The following NUCKS1 variants were observed in gnomAD, a reference collection of about 807,000 sequenced individuals.
NUCKS1 encodes nuclear casein kinase and cyclin dependent kinase substrate 1.
In NUCKS1, 2 loss-of-function variants were observed where a neutral mutation model predicts 33.0. The ratio of observed to expected loss-of-function variants is 0.06; its 90% CI spans 0.02 to 0.19. The LOEUF is 0.19. Ranked by LOEUF, NUCKS1 falls within the 10% of genes least tolerant of loss-of-function variation. The probability of loss-of-function intolerance (pLI) is 1.00; values close to 1 mark genes in which losing one functional copy is unlikely to be tolerated. For missense variants in NUCKS1, 201 were observed against 293.6 expected, an observed-to-expected ratio of 0.68 and a Z score of 2.31; for synonymous variants, 106 against 102.8, an observed-to-expected ratio of 1.03 and a Z score of -0.19.
At chr1:205,729,429 T>C in intron 2 of NUCKS1, 143 bp downstream of exon 2, 1 of 740,444 alleles carries the variant, frequency 1.4e-6, no homozygotes, top group Non-Finnish European at 2.4e-6. Flanking sequence ...TTTGCTTTGG[T>C]TGACACAGAT....
rs187800230 is a variant in NUCKS1, at chr1:205,736,263, T to C, written c.18-6642A>G. Among the ~76,000 whole-genome samples, 8 of 152,302 alleles carry C rather than the reference T, an allele frequency of 5.3e-5. No individual in the cohort carries two copies. In the East Asian group the frequency reaches 1.5e-3, roughly 29 times the overall value. Reference sequence around the variant, plus strand: ...CACCACATCCAGCCCTCCCTATTTTTATTTCTGACTTTATGGCAAAGTTCA... The same window carrying C: ...CACCACATCCAGCCCTCCCTATTTTCATTTCTGACTTTATGGCAAAGTTCA... On this transcript the variant is annotated intron_variant, in intron 1 of 6. Transcript: ENST00000367142.
intron 1 of NUCKS1, among the ~76,000 whole-genome samples, chr1:205,743,291 G>A (rs1017370300): frequency 1.3e-5 from 2 of 152,148 alleles, no homozygotes; most frequent in Non-Finnish European, 2.9e-5. Flanking sequence ...TTTGAAAATT[G>A]TAAAATGCTT....
At chr1:205,734,376 T>A (rs563025606) in intron 1 of NUCKS1, among the ~76,000 whole-genome samples, 9 of 152,232 alleles carry the variant, frequency 5.9e-5, no homozygotes, top group African/African-American at 2.2e-4. Flanking sequence ...TAACTTTCAA[T>A]GATCTGAAAA....
intron 1 of NUCKS1, among the ~76,000 whole-genome samples, chr1:205,744,627 AGAG>A (rs1416285753): frequency 2.7e-3 from 69 of 25,338 alleles, no homozygotes; most frequent in South Asian, 0.011. Context: ...TAAGTTCACT[AGAG>A]TTTTTTTTTT....
chr1:205,746,963 A>G (rs1456736725), intron 1 of NUCKS1, among the ~76,000 whole-genome samples: 1 of 152,190 alleles, frequency 6.6e-6, no homozygotes, highest in Non-Finnish European at 1.5e-5. Context: ...GCTGAATTTC[A>G]AGAAATCTGG....
chr1:205,718,107 G>GTT lies in NUCKS1; in HGVS notation c.*172_*173insAA. On this transcript the variant is annotated 3_prime_UTR_variant, in exon 7 of 7. Transcript: ENST00000367142. ...CTTTAAAAAAAAAAAAAAAAAAAGA[G>GTT]AGAGAGAGAGAAATGTTACTTTCAA... 1 of 1,130,602 alleles carries GTT rather than the reference G, an allele frequency of 8.8e-7. No homozygotes were observed. The highest frequency in any genetic ancestry group is 1.1e-6 in the Non-Finnish European group (1 of 909,466). The allele number at this position is 1,130,602 out of a possible 1,614,324, so 70.0% of individuals were successfully genotyped here.
Position 205,734,864 on chromosome 1 carries a change from C to A in NUCKS1, c.18-5243G>T, listed in dbSNP as rs1352606654. Among the ~76,000 whole-genome samples, 6 of 152,118 alleles carry A rather than the reference C, an allele frequency of 3.9e-5. No individual in the cohort carries two copies. In the East Asian group the frequency reaches 1.2e-3, roughly 29 times the overall value. On this transcript the variant is annotated intron_variant, in intron 1 of 6. Coordinates refer to ENST00000367142, the MANE Select transcript of NUCKS1 (RefSeq NM_022731.5). ...GGGCCAAGATTGTGCCACTGCACTC[C>A]AGCCTGGGTGATAGAGCAAGACTCC...
intron 6 of NUCKS1, among the ~76,000 whole-genome samples, chr1:205,719,250 A>G (rs1018859732): frequency 6.6e-6 from 1 of 152,244 alleles, no homozygotes; most frequent in African/African-American, 2.4e-5. Context: ...CAGTGTTTCT[A>G]CCACTGTGTC....
intron 3 of NUCKS1, among the ~76,000 whole-genome samples, chr1:205,725,024 G>C (rs1241557465): frequency 6.6e-6 from 1 of 152,198 alleles, no homozygotes; most frequent in Non-Finnish European, 1.5e-5. Context: ...CTGGATTCTA[G>C]TATCCTATCT....
In NUCKS1 at chr1:205,715,081, A is replaced by AT. The variant is rs1164879766; in HGVS notation, c.*3198dup. ...AATCCACTTATCTGAATGTTCACAGATAAAAAAGCCATTAAAAAAAAGAGT... is the reference window on the plus strand; with the variant it reads ...AATCCACTTATCTGAATGTTCACAGATTAAAAAAGCCATTAAAAAAAAGAGT... On this transcript the variant is annotated 3_prime_UTR_variant, in exon 7 of 7. Transcript: ENST00000367142. 5 of 152,210 alleles carry AT rather than the reference A, an allele frequency of 3.3e-5. No homozygotes were observed. The highest frequency in any genetic ancestry group is 5.9e-5 in the Non-Finnish European group (4 of 68,042). 9.4% of individuals were successfully genotyped at this position (152,210 alleles called of 1,614,324 possible). A position where few individuals can be genotyped will look rare whatever the true frequency, so the allele number is the denominator to read the frequency against.
At chr1:205,744,352 G>A (rs1358703153) in intron 1 of NUCKS1, among the ~76,000 whole-genome samples, 1 of 152,098 alleles carries the variant, frequency 6.6e-6, no homozygotes, top group Non-Finnish European at 1.5e-5. Flanking sequence ...GATAACATAT[G>A]CCTTTAAGAG....
chr1:205,718,788 G>A (rs1671872240), intron 6 of NUCKS1, among the ~76,000 whole-genome samples: 1 of 152,146 alleles, frequency 6.6e-6, no homozygotes, highest in Non-Finnish European at 1.5e-5. Flanking sequence ...ATCCTTAATT[G>A]CTTGGTAAAC....
intron 1 of NUCKS1, chr1:205,731,284 G>A (rs1008253648): frequency 1.1e-4 from 17 of 152,308 alleles, no homozygotes; most frequent in African/African-American, 3.9e-4. Flanking sequence ...ATATATGCAT[G>A]GTCTTAATAA....
chr1:205,737,466 G>A (rs765524043), intron 1 of NUCKS1, among the ~76,000 whole-genome samples: 14 of 152,194 alleles, frequency 9.2e-5, no homozygotes, highest in Non-Finnish European at 1.9e-4. Context: ...TCAGGCAACA[G>A]TGCAAACAGT....
chr1:205,731,427 A>G (rs1025802623), intron 1 of NUCKS1: 2 of 152,138 alleles, frequency 1.3e-5, no homozygotes, highest in Non-Finnish European at 2.9e-5. Context: ...ACAAATCTTC[A>G]TTTCTATTTT....
chr1:205,718,738 C>T (rs1207213828), intron 6 of NUCKS1, among the ~76,000 whole-genome samples: 4 of 152,150 alleles, frequency 2.6e-5, no homozygotes, highest in African/African-American at 9.7e-5. Flanking sequence ...AGCAGTAATA[C>T]CTGTAAAGAA....
chr1:205,736,103 C>T (rs1223429622), intron 1 of NUCKS1, among the ~76,000 whole-genome samples: 1 of 152,074 alleles, frequency 6.6e-6, no homozygotes, highest in East Asian at 1.9e-4. Context: ...AGGTGTGTGT[C>T]ACAACAGCCA....
intron 3 of NUCKS1, among the ~76,000 whole-genome samples, chr1:205,726,651 TGTACTTTGGA>T (rs1653784008): frequency 6.6e-6 from 1 of 152,252 alleles, no homozygotes; most frequent in African/African-American, 2.4e-5. Context: ...GGTTAAACAA[TGTACTTTGGA>T]GTCCAACAGA....
At chr1:205,741,297 CAAAAA>C (rs56979923) in intron 1 of NUCKS1, among the ~76,000 whole-genome samples, 14 of 78,918 alleles carry the variant, frequency 1.8e-4, no homozygotes, top group Admixed American at 6.3e-4. Flanking sequence ...GAGACTGTCT[CAAAAA>C]AAAAAAAAAA....
Sources: allele counts gnomAD v4.1 joint callset (sites outside exome capture counted in the v4.1 genomes callset), GRCh38; gene constraint gnomAD v4.1.1; transcripts MANE v1.5; gene names NCBI Gene and HGNC (gene_info 2026-07-23, HGNC 2026-07-21).